Variants in MYPOP observed in about 807,000 individuals in gnomAD.
MYPOP encodes the protein Myb related transcription factor, partner of profilin.
In MYPOP, 21 loss-of-function variants were observed where a neutral mutation model predicts 25.7. That is an observed-to-expected ratio of 0.82 (90% CI 0.58 to 1.18). The LOEUF is 1.18. Among genes scored for constraint, MYPOP ranks in the 50% most tolerant of loss-of-function variants. The pLI is 0.00. For synonymous variants in MYPOP, 280 were observed against 247.9 expected (o/e 1.13, Z -1.22); for missense variants, 566 against 588.3 (o/e 0.96, Z 0.39).
chr19:45,891,068 G>A lies in MYPOP; in HGVS notation c.755C>T (p.Thr252Met), dbSNP rs761879296. 24 of 1,491,826 alleles carry A rather than the reference G, an allele frequency of 1.6e-5. No individual in the cohort carries two copies. Among genetic ancestry groups the A allele is most frequent in the African/African-American group, 1.1e-4 (8 of 70,578 alleles). 92.4% of individuals were successfully genotyped at this position (1,491,826 alleles called of 1,614,324 possible). ...SPPPPPRPPP[T>M]LSASDPSLDF... ...CAGGGAGGGGTCTGAGGCCGAGAGC[G>A]TGGGTGGAGGCCGAGGAGGGGGTGG... Residue 252 changes from threonine to methionine, a missense_variant, in exon 3 of 3, where the codon ACG becomes ATG. Coordinates refer to ENST00000322217, the MANE Select transcript of MYPOP (RefSeq NM_001012643.4).
intron 1 of MYPOP, among the ~76,000 whole-genome samples, chr19:45,902,211 G>A (rs889746588): frequency 1.6e-5 from 2 of 126,740 alleles, no homozygotes; most frequent in African/African-American, 2.9e-5. Flanking sequence ...ATGAAGATAA[G>A]GAGATGCGGA....
chr19:45,893,588 A>T (rs945181019), intron 2 of MYPOP, among the ~76,000 whole-genome samples: 1 of 134,082 alleles, frequency 7.5e-6, no homozygotes, highest in Admixed American at 7.4e-5. Context: ...AAAAAAAAAA[A>T]GGCAAATCTA....
chr19:45,899,086 C>T (rs1967249935), intron 2 of MYPOP, among the ~76,000 whole-genome samples: 1 of 152,122 alleles, frequency 6.6e-6, no homozygotes, highest in African/African-American at 2.4e-5. Flanking sequence ...ATTAGCCAGG[C>T]ATGGTGGCGC....
chr19:45,900,211 A>G (rs1369241435), intron 2 of MYPOP, among the ~76,000 whole-genome samples: 1 of 152,206 alleles, frequency 6.6e-6, no homozygotes, highest in African/African-American at 2.4e-5. Flanking sequence ...AAGGCCCAGT[A>G]TGGTCTGGCC....
At chr19:45,893,382 AAC>A (rs1967152798) in intron 2 of MYPOP, among the ~76,000 whole-genome samples, 1 of 151,770 alleles carries the variant, frequency 6.6e-6, no homozygotes, top group Non-Finnish European at 1.5e-5. Flanking sequence ...CAGCCTGACC[AAC>A]ATGGAGAAAT....
Position 45,901,483 on chromosome 19 carries a change from G to A in MYPOP, c.291C>T (p.Ser97=), listed in dbSNP as rs747158498. The change falls in exon 2 of 3, where the codon TCC becomes TCT. Residue 97 remains serine (S), a synonymous_variant. Coordinates refer to ENST00000322217, the MANE Select transcript of MYPOP (RefSeq NM_001012643.4). This position sits in a 1 kb window ranked among gnomAD's most constrained non-coding sequence, Gnocchi z 5.7. ...TKEKLARVPH[S]TQGAGPAAED... ...CCGCGGCGGGCCCGGCGCCCTGCGT[G>A]GAGTGCGGCACGCGAGCGAGCTTCT... is the stretch of plus-strand genomic sequence containing the variant. The A allele has an allele frequency of 6.2e-7, 1 of 1,607,560 alleles. No homozygotes were observed. The highest frequency in any genetic ancestry group is 8.5e-7 in the Non-Finnish European group (1 of 1,177,518).
rs866144211 is a variant in MYPOP at position 45,901,711 on chromosome 19, T to C, written c.63A>G (p.Ser21=). The C allele has an allele frequency of 6.3e-7, 1 of 1,582,574 alleles. No individual in the cohort carries two copies. The highest frequency in any genetic ancestry group is 1.7e-4 in the Middle Eastern group (1 of 5,848). The stretch of plus-strand genomic sequence containing the variant: ...GGATCAGGATCTGGTTCTCTTCGAA[T>C]GAGAAGCGCGGCTTGCGCAACCGGG... ...ETTRLRKPRF[S]FEENQILIRE... The change falls in exon 2 of 3, where the codon TCA becomes TCG. Residue 21 remains serine, a synonymous_variant. Transcript: ENST00000322217. The surrounding 1 kb of genome is among the most constrained non-coding windows in gnomAD (Gnocchi z 5.7).
rs201475210 is a variant in MYPOP, at chr19:45,891,783, AG to A, written c.500-461del. On this transcript the variant is annotated intron_variant, in intron 2 of 2. Transcript: ENST00000322217. ...CCTAAGTCAGATCATGCCTTGGAAG[AG>A]AAGCTCCATGGCAGGCCAGTCTTTG... 8.0e-3 allele frequency among the ~76,000 whole-genome samples: 1,219 copies of A among 152,098 alleles called. 5 individuals are homozygous for A. Among genetic ancestry groups the A allele is most frequent in the Non-Finnish European group, 0.012 (807 of 67,972 alleles).
chr19:45,899,550 CA>C (rs1433768146), intron 2 of MYPOP, among the ~76,000 whole-genome samples: 1 of 152,094 alleles, frequency 6.6e-6, no homozygotes, highest in East Asian at 1.9e-4. Context: ...CCCTCAAGAG[CA>C]AGTCCAGGCC....
Position 45,901,931 on chromosome 19 carries a change from G to T in MYPOP, c.-52-106C>A, listed in dbSNP as rs1967304359. 2.0e-6 allele frequency: 1 copy of T among 511,220 alleles called. No homozygotes were observed. The highest frequency in any genetic ancestry group is 3.0e-6 in the Non-Finnish European group (1 of 337,948). 31.7% of individuals were successfully genotyped at this position (511,220 alleles called of 1,614,324 possible). On this transcript the variant is annotated intron_variant, in intron 1 of 2. Transcript: ENST00000322217. This position sits in a 1 kb window ranked among gnomAD's most constrained non-coding sequence, Gnocchi z 5.7. The stretch of plus-strand genomic sequence containing the variant: ...CTCCTTAGTCCCCGGGGGCAGGAGT[G>T]GGGGCGGGGGGCGGGCGGGGGCGAC...
At chr19:45,893,141 GGCATAT>G (rs1220304060) in intron 2 of MYPOP, among the ~76,000 whole-genome samples, 1 of 152,080 alleles carries the variant, frequency 6.6e-6, no homozygotes, top group African/African-American at 2.4e-5. Flanking sequence ...CGGGCATGGT[GGCATAT>G]GCCTGTAATC....
intron 2 of MYPOP, among the ~76,000 whole-genome samples, chr19:45,900,240 C>T (rs1263010611): frequency 1.3e-5 from 2 of 152,202 alleles, no homozygotes; most frequent in African/African-American, 2.4e-5. Context: ...CCTCTCTGAA[C>T]TCATCTCAAA....
chr19:45,895,673 A>G (rs1002262755), intron 2 of MYPOP, among the ~76,000 whole-genome samples: 11 of 152,088 alleles, frequency 7.2e-5, no homozygotes, highest in Admixed American at 3.9e-4. Context: ...TTTAACGAGA[A>G]AAGAACTGGG....
At chr19:45,899,793 A>C (rs1238028895) in intron 2 of MYPOP, among the ~76,000 whole-genome samples, 1 of 152,156 alleles carries the variant, frequency 6.6e-6, no homozygotes, top group Non-Finnish European at 1.5e-5. Flanking sequence ...GCAAGCCAAG[A>C]TTTCGCCACT....
chr19:45,893,708 G>A (rs1348098259), intron 2 of MYPOP, among the ~76,000 whole-genome samples: 1 of 151,474 alleles, frequency 6.6e-6, no homozygotes, highest in Non-Finnish European at 1.5e-5. Context: ...TGATGAAAAT[G>A]TTCTAAAATT....
At chr19:45,897,412 TGTGA>T (rs1249591139) in intron 2 of MYPOP, among the ~76,000 whole-genome samples, 2 of 151,828 alleles carry the variant, frequency 1.3e-5, no homozygotes, top group African/African-American at 4.8e-5. Context: ...GGGCCTGGGG[TGTGA>T]GTGACAAATC....
chr19:45,893,774 C>T (rs1967160714), intron 2 of MYPOP, among the ~76,000 whole-genome samples: 1 of 149,788 alleles, frequency 6.7e-6, no homozygotes, highest in Admixed American at 6.7e-5. Context: ...GAATTGTACG[C>T]TGTATTTTAT....
chr19:45,895,764 C>T (rs1439288539), intron 2 of MYPOP, among the ~76,000 whole-genome samples: 1 of 152,192 alleles, frequency 6.6e-6, no homozygotes, highest in East Asian at 1.9e-4. Flanking sequence ...CCTCTTCCCA[C>T]GGCTATGGGG....
chr19:45,901,210 C>G lies in MYPOP; in HGVS notation c.499+65G>C. On this transcript the variant is annotated intron_variant, in intron 2 of 2. Coordinates refer to ENST00000322217, the MANE Select transcript of MYPOP (RefSeq NM_001012643.4). The surrounding 1 kb of genome is among the most constrained non-coding windows in gnomAD (Gnocchi z 5.7). Reference sequence around the variant, plus strand: ...TCCACCTCACAGGGCTGCAGCAAGGCTTTGATGAGACATGTAAAAGGCTTG... The same window carrying G: ...TCCACCTCACAGGGCTGCAGCAAGGGTTTGATGAGACATGTAAAAGGCTTG... 2 of 1,367,730 alleles carry G rather than the reference C, an allele frequency of 1.5e-6. No individual in the cohort carries two copies. Among genetic ancestry groups the G allele is most frequent in the Non-Finnish European group, 1.9e-6 (2 of 1,051,768 alleles). 84.7% of individuals were successfully genotyped at this position (1,367,730 alleles called of 1,614,324 possible).
Sources: gnomAD v4.1 joint callset for allele counts (sites outside exome capture counted in the v4.1 genomes callset) on GRCh38, gnomAD v4.1.1 for gene constraint, Gnocchi (gnomAD v3.1) non-coding constraint, MANE v1.5 for transcripts, NCBI Gene and HGNC (gene_info 2026-07-23, HGNC 2026-07-21) for gene names.